Variants in PTPRD observed in about 807,000 individuals in gnomAD.
PTPRD encodes the protein protein tyrosine phosphatase receptor type D.
In PTPRD, 34 loss-of-function variants were observed where a neutral mutation model predicts 214.5. That is an observed-to-expected ratio of 0.16 (90% CI 0.12 to 0.21). The LOEUF (loss-of-function observed/expected upper bound fraction) is 0.21, where lower values mean the gene tolerates loss of function less well. Ranked by LOEUF, PTPRD falls within the 10% of genes least tolerant of loss-of-function variation. The pLI, the probability that PTPRD is intolerant of heterozygous loss-of-function variation, is 1.00. For missense variants in PTPRD, 2,545 were observed against 2,398.7 expected (o/e 1.06, Z -1.27); for synonymous variants, 1,128 against 845.7 (o/e 1.33, Z -5.79).
intron 3 of PTPRD, among the ~76,000 whole-genome samples, chr9:10,280,356 A>AT (rs2095029358): frequency 7.0e-6 from 1 of 142,018 alleles, no homozygotes; most frequent in African/African-American, 2.7e-5. Context: ...TAAATACATA[A>AT]ACACCACACA....
chr9:10,248,569 C>T (rs1244938574), intron 3 of PTPRD, among the ~76,000 whole-genome samples: 2 of 146,094 alleles, frequency 1.4e-5, no homozygotes, highest in Non-Finnish European at 3.0e-5. Context: ...GATTATCTGA[C>T]CAAATTAATT....
chr9:9,699,014 T>C (rs1307932250), intron 7 of PTPRD, among the ~76,000 whole-genome samples: 1 of 152,214 alleles, frequency 6.6e-6, no homozygotes, highest in East Asian at 1.9e-4. Context: ...GGCATGACTT[T>C]CTCTCTGCTA....
At chr9:8,767,809 A>C (rs1318955158) in intron 11 of PTPRD, among the ~76,000 whole-genome samples, 2 of 152,190 alleles carry the variant, frequency 1.3e-5, no homozygotes, top group African/African-American at 4.8e-5. Flanking sequence ...GGTGATTCCA[A>C]TGTATAACTT....
chr9:8,547,400 T>C (rs2080501665), intron 14 of PTPRD, among the ~76,000 whole-genome samples: 1 of 152,144 alleles, frequency 6.6e-6, no homozygotes, highest in Admixed American at 6.5e-5. Context: ...CCCAGCACTT[T>C]GGGAGGCCAA....
intron 12 of PTPRD, among the ~76,000 whole-genome samples, chr9:8,692,050 C>A (rs1437467940): frequency 6.6e-6 from 1 of 152,128 alleles, no homozygotes; most frequent in African/African-American, 2.4e-5. Context: ...CTCTGATGGT[C>A]TCTAAAATTC....
chr9:8,636,877 G>A (rs1309754824), intron 12 of PTPRD, 33 bp from the exon 13 acceptor site: 2 of 1,604,762 alleles, frequency 1.2e-6, no homozygotes, highest in Non-Finnish European at 1.7e-6. Flanking sequence ...CAGTTAAATT[G>A]AAAACTGAAA....
intron 9 of PTPRD, among the ~76,000 whole-genome samples, chr9:9,239,094 T>C (rs1282711417): frequency 1.3e-5 from 2 of 152,040 alleles, no homozygotes; most frequent in African/African-American, 4.8e-5. Context: ...GCCCATGAGA[T>C]GTAAATCTAT....
At chr9:8,436,235 G>A (rs2095343410) in intron 35 of PTPRD, among the ~76,000 whole-genome samples, 1 of 152,058 alleles carries the variant, frequency 6.6e-6, no homozygotes, top group African/African-American at 2.4e-5. Context: ...TTAGCTAGAT[G>A]GCAGGAATAA....
At chr9:8,574,398 A>T (rs1029019052) in intron 14 of PTPRD, among the ~76,000 whole-genome samples, 1 of 152,028 alleles carries the variant, frequency 6.6e-6, no homozygotes, top group Non-Finnish European at 1.5e-5. Flanking sequence ...ATTTTAATTC[A>T]TGATGATGAT....
intron 44 of PTPRD, among the ~76,000 whole-genome samples, chr9:8,325,856 G>A (rs1025647522): frequency 2.6e-5 from 4 of 152,096 alleles, no homozygotes; most frequent in Non-Finnish European, 4.4e-5. Context: ...GTGAATGGGA[G>A]TTCACTCGTG....
intron 5 of PTPRD, among the ~76,000 whole-genome samples, chr9:9,929,134 C>A (rs1036097892): frequency 6.6e-6 from 1 of 152,162 alleles, no homozygotes; most frequent in Admixed American, 6.5e-5. Flanking sequence ...ACTCTGTGAT[C>A]CTTCTAGTCT....
At chr9:9,308,707 T>C (rs778941117) in intron 9 of PTPRD, among the ~76,000 whole-genome samples, 1 of 152,182 alleles carries the variant, frequency 6.6e-6, no homozygotes, top group Non-Finnish European at 1.5e-5. Context: ...CATATATAAT[T>C]AGGCACTTAT....
At chr9:8,698,606 C>T (rs1447259667) in intron 12 of PTPRD, among the ~76,000 whole-genome samples, 1 of 152,170 alleles carries the variant, frequency 6.6e-6, no homozygotes, top group East Asian at 1.9e-4. Flanking sequence ...TACGTTTTAT[C>T]TTTAAACTCA....
intron 11 of PTPRD, among the ~76,000 whole-genome samples, chr9:8,745,325 T>C (rs1304703625): frequency 7.2e-5 from 11 of 152,144 alleles, no homozygotes; most frequent in South Asian, 4.1e-4. Flanking sequence ...GCAACAGAAA[T>C]AGATAGCTGA....
intron 5 of PTPRD, among the ~76,000 whole-genome samples, chr9:9,933,993 A>T (rs1443373541): frequency 6.8e-6 from 1 of 147,640 alleles, no homozygotes; most frequent in Non-Finnish European, 1.5e-5. Flanking sequence ...GTACATAATG[A>T]AATGAAGGCA....
intron 8 of PTPRD, among the ~76,000 whole-genome samples, chr9:9,429,814 C>T (rs956858331): frequency 6.6e-6 from 1 of 152,076 alleles, no homozygotes; most frequent in South Asian, 2.1e-4. Context: ...ATGATAGTCT[C>T]AATAGATGCA....
chr9:9,616,303 C>G (rs1355011525), intron 7 of PTPRD, among the ~76,000 whole-genome samples: 1 of 152,160 alleles, frequency 6.6e-6, no homozygotes, highest in African/African-American at 2.4e-5. Context: ...AATTTAACTC[C>G]ATGCCCTGTG....
chr9:9,204,242 T>C (rs1017791877), intron 9 of PTPRD, among the ~76,000 whole-genome samples: 11 of 152,230 alleles, frequency 7.2e-5, no homozygotes, highest in African/African-American at 2.7e-4. Flanking sequence ...TTAGTAAATA[T>C]GCACAGGCCT....
intron 37 of PTPRD, among the ~76,000 whole-genome samples, chr9:8,385,838 T>C (rs10977022): frequency 0.29 from 44,113 of 152,098 alleles, 7,088 homozygotes; most frequent in Non-Finnish European, 0.36. Context: ...TCCCATGGTC[T>C]GAGCTCCTCT....
Sources: gnomAD v4.1 joint callset for allele counts (sites outside exome capture counted in the v4.1 genomes callset) on GRCh38, gnomAD v4.1.1 for gene constraint, MANE v1.5 for transcripts, NCBI Gene and HGNC (gene_info 2026-07-23, HGNC 2026-07-21) for gene names.